The following BMPR1B variants were observed in gnomAD, a reference collection of about 807,000 sequenced individuals.
BMPR1B encodes the protein bone morphogenetic protein receptor type-1B.
BMPR1B carries 12 observed loss-of-function variants against 59.1 expected under a neutral mutation model. That is an observed-to-expected ratio of 0.20 (90% CI 0.13 to 0.33). The LOEUF (loss-of-function observed/expected upper bound fraction) is 0.33, where lower values mean the gene tolerates loss of function less well. Ranked by LOEUF, BMPR1B falls within the 10% of genes least tolerant of loss-of-function variation. The pLI, the probability that BMPR1B is intolerant of heterozygous loss-of-function variation, is 1.00. For synonymous variants in BMPR1B, 237 were observed against 207.3 expected (o/e 1.14, Z -1.23); for missense variants, 550 against 610.9 (o/e 0.90, Z 1.05).
intron 3 of BMPR1B, among the ~76,000 whole-genome samples, chr4:95,071,795 T>C (rs1372733221): frequency 2.0e-5 from 3 of 151,818 alleles, no homozygotes; most frequent in African/African-American, 7.3e-5. Flanking sequence ...AATAACCCTT[T>C]GTATTTGTTT....
intron 2 of BMPR1B, among the ~76,000 whole-genome samples, chr4:94,905,489 A>G (rs3775011): frequency 0.022 from 3,267 of 151,934 alleles, 52 homozygotes; most frequent in East Asian, 0.056. Context: ...AAAATAATCT[A>G]TATTTTCTGT....
intron 3 of BMPR1B, among the ~76,000 whole-genome samples, chr4:95,096,765 CTA>C (rs1343499557): frequency 2.4e-5 from 3 of 126,458 alleles, no homozygotes; most frequent in African/African-American, 6.0e-5. Flanking sequence ...TTATATATAA[CTA>C]TGTATAGTTA....
At chr4:94,842,526 A>G (rs1379947910) in intron 1 of BMPR1B, among the ~76,000 whole-genome samples, 1 of 152,210 alleles carries the variant, frequency 6.6e-6, no homozygotes, top group African/African-American at 2.4e-5. Context: ...CAGTTCTTGG[A>G]TATTAATAAT....
intron 1 of BMPR1B, among the ~76,000 whole-genome samples, chr4:94,810,228 T>C (rs2110637050): frequency 6.6e-6 from 1 of 152,352 alleles, no homozygotes; most frequent in Non-Finnish European, 1.5e-5. Context: ...TACTGTTTTT[T>C]GTTAGAGACG....
At chr4:94,962,397 C>T (rs1162164746) in intron 2 of BMPR1B, among the ~76,000 whole-genome samples, 1 of 152,130 alleles carries the variant, frequency 6.6e-6, no homozygotes, top group Admixed American at 6.6e-5. Context: ...CTCAGCCTCC[C>T]AAAGTGCTAG....
chr4:95,018,465 A>G (rs1723741494), intron 3 of BMPR1B, among the ~76,000 whole-genome samples: 1 of 152,164 alleles, frequency 6.6e-6, no homozygotes, highest in Non-Finnish European at 1.5e-5. Context: ...TTTAGTAGCT[A>G]GGGGGATGTT....
At chr4:95,091,388 TA>T in intron 3 of BMPR1B, 1 of 878,286 alleles carries the variant, frequency 1.1e-6, no homozygotes, top group Non-Finnish European at 1.4e-6. Context: ...TTGACCGGAA[TA>T]ATGTCTCTTG....
At chr4:95,017,661 CT>C in intron 3 of BMPR1B, among the ~76,000 whole-genome samples, 1 of 152,312 alleles carries the variant, frequency 6.6e-6, no homozygotes, top group Non-Finnish European at 1.5e-5. Context: ...GCCCTAAAAA[CT>C]TTCCTTTAAG....
rs190544124 is a variant in BMPR1B at position 94,786,601 on chromosome 4, C to A, written c.-183+28533C>A. Among the ~76,000 whole-genome samples, 36 of 152,248 alleles carry A rather than the reference C, an allele frequency of 2.4e-4. No individual in the cohort carries two copies. In the East Asian group the frequency reaches 7.0e-3, roughly 29 times the overall value. On this transcript the variant is annotated intron_variant, in intron 1 of 12. Coordinates refer to ENST00000515059, the MANE Select transcript of BMPR1B (RefSeq NM_001203.3). ...TTGCCCAGGCTGGAATGCAGTGGTG[C>A]GATCTCAGCTCACTGCAAGCTCCGC...
At chr4:94,900,256 T>A (rs914614334) in intron 2 of BMPR1B, among the ~76,000 whole-genome samples, 1 of 151,448 alleles carries the variant, frequency 6.6e-6, no homozygotes, top group African/African-American at 2.4e-5. Context: ...TGTGTATAAC[T>A]TGAACCTAAG....
chr4:94,905,139 TAAGATG>T (rs1430709154), intron 2 of BMPR1B, among the ~76,000 whole-genome samples: 1 of 152,072 alleles, frequency 6.6e-6, no homozygotes. Flanking sequence ...TCTTTTAGTT[TAAGATG>T]ATCAAGATGG....
chr4:95,071,646 G>GTATATATATA lies in BMPR1B; in HGVS notation c.-17-32761_-17-32760insATATATATAT, dbSNP rs1179814583. ...TATATGTGTGTTTGTGTGTGTGTGT[G>GTATATATATA]TGTGTGTATATATATATATATATAT... On this transcript the variant is annotated intron_variant, in intron 3 of 12. Transcript: ENST00000515059. Among the ~76,000 whole-genome samples, 352 of 86,368 alleles carry GTATATATATA rather than the reference G, an allele frequency of 4.1e-3. 3 individuals are homozygous for GTATATATATA. The highest frequency in any genetic ancestry group is 0.016 in the African/African-American group (332 of 20,898). The allele number at this position is 86,368 out of a possible 152,430, so 56.7% of individuals were successfully genotyped here.
intron 2 of BMPR1B, among the ~76,000 whole-genome samples, chr4:94,876,217 A>G (rs1726726050): frequency 6.6e-6 from 1 of 152,128 alleles, no homozygotes; most frequent in Non-Finnish European, 1.5e-5. Flanking sequence ...CCTTTTACCA[A>G]CCATTGCTGA....
At chr4:94,926,068 CCTCCCGT>C (rs1405714459) in intron 2 of BMPR1B, among the ~76,000 whole-genome samples, 6 of 50,692 alleles carry the variant, frequency 1.2e-4, no homozygotes, top group Non-Finnish European at 1.5e-4. Context: ...CCCCCCAATC[CCTCCCGT>C]CTCCCTCCCC....
At chr4:94,872,024 A>G (rs1434136371) in intron 1 of BMPR1B, among the ~76,000 whole-genome samples, 1 of 152,190 alleles carries the variant, frequency 6.6e-6, no homozygotes, top group Non-Finnish European at 1.5e-5. Flanking sequence ...TCTTGATTCC[A>G]AGTAATTTGT....
At chr4:94,771,344 T>C (rs1356600168) in intron 1 of BMPR1B, among the ~76,000 whole-genome samples, 1 of 152,196 alleles carries the variant, frequency 6.6e-6, no homozygotes, top group African/African-American at 2.4e-5. Context: ...GTTGGAGGTC[T>C]GTTAGAGCCA....
chr4:94,782,883 T>C (rs1433055573), intron 1 of BMPR1B, among the ~76,000 whole-genome samples: 2 of 152,158 alleles, frequency 1.3e-5, no homozygotes, highest in African/African-American at 4.8e-5. Context: ...AATTTTCTGT[T>C]GAGAACTGGA....
intron 1 of BMPR1B, among the ~76,000 whole-genome samples, chr4:94,852,097 T>A (rs921486737): frequency 1.3e-5 from 2 of 152,182 alleles, no homozygotes; most frequent in African/African-American, 4.8e-5. Context: ...CTGTTTGTAT[T>A]CATTGCAGTT....
At chr4:94,986,914 G>A (rs1385644703) in intron 2 of BMPR1B, among the ~76,000 whole-genome samples, 1 of 151,194 alleles carries the variant, frequency 6.6e-6, no homozygotes, top group African/African-American at 2.4e-5. Flanking sequence ...GGTGGCGGGT[G>A]CCTGTAGTCC....
Sources: allele counts gnomAD v4.1 joint callset (sites outside exome capture counted in the v4.1 genomes callset), GRCh38; gene constraint gnomAD v4.1.1; transcripts MANE v1.5; gene names NCBI Gene and HGNC (gene_info 2026-07-23, HGNC 2026-07-21).